Variants in ROBO1 observed in about 807,000 individuals in gnomAD.
ROBO1 encodes roundabout guidance receptor 1.
Under a neutral mutation model 195.9 loss-of-function variants are expected in ROBO1, and 149 were observed. The observed-to-expected ratio is 0.76, with a 90% CI of 0.67 to 0.87. The LOEUF (loss-of-function observed/expected upper bound fraction) is 0.87, where lower values mean the gene tolerates loss of function less well. ROBO1 is among the 40% of genes least tolerant of loss of function. The pLI is 0.00. For synonymous variants in ROBO1, 816 were observed against 733.2 expected (o/e 1.11, Z -1.82); for missense variants, 1,933 against 2,068.3 (o/e 0.93, Z 1.27).
At chr3:79,474,624 TTTTG>T (rs1228604221) in intron 2 of ROBO1, among the ~76,000 whole-genome samples, 1 of 152,102 alleles carries the variant, frequency 6.6e-6, no homozygotes, top group Non-Finnish European at 1.5e-5. Flanking sequence ...TTAAAAAACA[TTTTG>T]TTTATTTGTT....
intron 3 of ROBO1, among the ~76,000 whole-genome samples, chr3:79,010,940 T>C (rs1054999445): frequency 1.3e-5 from 2 of 152,216 alleles, no homozygotes; most frequent in Admixed American, 6.5e-5. Flanking sequence ...TTTTAGAAAG[T>C]GGTCGTTCTA....
chr3:79,018,401 G>A (rs549594514), intron 3 of ROBO1: 1 of 1,613,810 alleles, frequency 6.2e-7, no homozygotes, highest in African/African-American at 1.3e-5. Context: ...GAAGACGCGG[G>A]GTTACCTGAA....
intron 1 of ROBO1, among the ~76,000 whole-genome samples, chr3:79,756,622 C>T (rs1704420213): frequency 6.6e-6 from 1 of 151,068 alleles, no homozygotes; most frequent in African/African-American, 2.4e-5. Context: ...AAAATGATTC[C>T]ATAATAAATA....
intron 1 of ROBO1, among the ~76,000 whole-genome samples, chr3:79,643,426 A>G (rs1212743234): frequency 1.3e-5 from 2 of 152,166 alleles, no homozygotes; most frequent in Non-Finnish European, 2.9e-5. Context: ...CATCTATCCT[A>G]TTAGTTCTAC....
intron 1 of ROBO1, among the ~76,000 whole-genome samples, chr3:79,634,685 T>C (rs1945444102): frequency 6.6e-6 from 1 of 152,170 alleles, no homozygotes; most frequent in Admixed American, 6.6e-5. Context: ...ATCTAAGCCA[T>C]TAAAATTCAT....
intron 5 of ROBO1, among the ~76,000 whole-genome samples, chr3:78,742,563 C>A (rs1009253600): frequency 6.6e-6 from 1 of 152,078 alleles, no homozygotes; most frequent in Non-Finnish European, 1.5e-5. Context: ...TATTCCTTTT[C>A]CCAAATGTAT....
At chr3:78,945,187 G>T (rs996229009) in intron 3 of ROBO1, among the ~76,000 whole-genome samples, 1 of 152,166 alleles carries the variant, frequency 6.6e-6, no homozygotes, top group East Asian at 1.9e-4. Context: ...CTCCCAGCAC[G>T]CAGCTTGAGA....
chr3:78,610,101 TAA>T (rs1703720653), intron 28 of ROBO1, among the ~76,000 whole-genome samples: 1 of 152,148 alleles, frequency 6.6e-6, no homozygotes, highest in Non-Finnish European at 1.5e-5. Context: ...GAGTATCATA[TAA>T]ATAGACTCAA....
In ROBO1 at chr3:78,615,620, T is replaced by G. The variant is rs145928688; in HGVS notation, c.4283-820A>C. Among the ~76,000 whole-genome samples, 753 of 152,336 alleles carry G rather than the reference T, an allele frequency of 4.9e-3. 13 individuals carry two copies. Among genetic ancestry groups the G allele is most frequent in the Admixed American group, 0.043 (657 of 15,294 alleles). On this transcript the variant is annotated intron_variant, in intron 27 of 30. Coordinates refer to ENST00000464233, the MANE Select transcript of ROBO1 (RefSeq NM_002941.4). Reference sequence around the variant, plus strand: ...AATCCATAATCCCAATGGAGATATATTGGTCCTATGTTTGACTTTCACTGT... The same window carrying G: ...AATCCATAATCCCAATGGAGATATAGTGGTCCTATGTTTGACTTTCACTGT...
intron 2 of ROBO1, among the ~76,000 whole-genome samples, chr3:79,185,327 T>C: frequency 6.6e-6 from 1 of 152,094 alleles, no homozygotes; most frequent in East Asian, 1.9e-4. Flanking sequence ...GTCATAGAGG[T>C]TAAGGGTTTA....
intron 4 of ROBO1, among the ~76,000 whole-genome samples, chr3:78,856,529 T>C (rs563837847): frequency 2.6e-5 from 4 of 151,978 alleles, no homozygotes; most frequent in Non-Finnish European, 5.9e-5. Flanking sequence ...ATTAATTCTC[T>C]CAACATTTAG....
At chr3:78,660,937 C>T (rs1707354934) in intron 16 of ROBO1, 93 bp downstream of exon 16, 1 of 816,882 alleles carries the variant, frequency 1.2e-6, no homozygotes, top group African/African-American at 1.7e-5. Context: ...GTAATTAATG[C>T]CACTATTAAC....
At chr3:79,228,634 G>C (rs2082267867) in intron 2 of ROBO1, among the ~76,000 whole-genome samples, 1 of 152,004 alleles carries the variant, frequency 6.6e-6, no homozygotes, top group Admixed American at 6.6e-5. Context: ...ATTAGGAGGG[G>C]GCTGAGGTTT....
rs75276988 is a variant in ROBO1, at chr3:78,895,185, G to A, written c.499+43416C>T. Among the ~76,000 whole-genome samples the A allele has an allele frequency of 1.9e-3, 286 of 152,274 alleles. 5 individuals are homozygous for A. In the East Asian group the frequency reaches 0.034, roughly 18 times the overall value. On this transcript the variant is annotated intron_variant, in intron 4 of 30. Transcript: ENST00000464233. ...CAGACACAAATCAGTTCCCTTCAGCGGTCAGAAAGATACTGCTGCTGACAA... is the reference window on the plus strand; with the variant it reads ...CAGACACAAATCAGTTCCCTTCAGCAGTCAGAAAGATACTGCTGCTGACAA...
intron 2 of ROBO1, among the ~76,000 whole-genome samples, chr3:79,550,917 C>T (rs1942485879): frequency 1.3e-5 from 2 of 152,236 alleles, no homozygotes; most frequent in Admixed American, 1.3e-4. Flanking sequence ...TGTGATTAGG[C>T]TATAAGGACC....
Position 79,515,267 on chromosome 3 carries a change from T to G in ROBO1, c.88+74557A>C, listed in dbSNP as rs191997211. ...CACTGTCCTCCACCAATGAATCCAG[T>G]CCTCGGGCATTCTGAATGTTCGCCA... On this transcript the variant is annotated intron_variant, in intron 2 of 30. Coordinates refer to ENST00000464233, the MANE Select transcript of ROBO1 (RefSeq NM_002941.4). Among the ~76,000 whole-genome samples the G allele has an allele frequency of 2.0e-3, 307 of 152,310 alleles. 2 individuals are homozygous for G. The highest frequency in any genetic ancestry group is 0.017 in the Middle Eastern group (5 of 294).
intron 3 of ROBO1, among the ~76,000 whole-genome samples, chr3:79,069,234 A>G (rs962017001): frequency 6.6e-6 from 1 of 151,830 alleles, no homozygotes; most frequent in Non-Finnish European, 1.5e-5. Context: ...ATTTATGCAA[A>G]TTGTATCTTG....
chr3:79,127,542 C>T (rs918540112), intron 2 of ROBO1, among the ~76,000 whole-genome samples: 1 of 152,192 alleles, frequency 6.6e-6, no homozygotes, highest in Non-Finnish European at 1.5e-5. Context: ...TGGACGCACA[C>T]ATTTCTAATC....
chr3:79,548,742 T>C (rs1290455394), intron 2 of ROBO1, among the ~76,000 whole-genome samples: 2 of 152,178 alleles, frequency 1.3e-5, no homozygotes, highest in African/African-American at 4.8e-5. Flanking sequence ...ACATCCAATG[T>C]AGTTGCTCCT....
Sources: allele counts gnomAD v4.1 joint callset (sites outside exome capture counted in the v4.1 genomes callset), GRCh38; gene constraint gnomAD v4.1.1; transcripts MANE v1.5; gene names NCBI Gene and HGNC (gene_info 2026-07-23, HGNC 2026-07-21).